The following BTBD9 variants were observed in gnomAD, a reference collection of about 807,000 sequenced individuals.
BTBD9 encodes the protein BTB domain containing 9, also known as BTB/POZ domain-containing protein 9.
A neutral mutation model predicts 64.3 loss-of-function variants in BTBD9; 49 were observed. The observed-to-expected ratio is 0.76, with a 90% CI of 0.61 to 0.97. The LOEUF (loss-of-function observed/expected upper bound fraction) is 0.97. Among genes scored for constraint, BTBD9 ranks in the 50% least tolerant of loss-of-function variants. BTBD9 has a pLI of 0.00. For missense variants in BTBD9, 598 were observed against 762.1 expected (o/e 0.78, Z 2.53); for synonymous variants, 260 against 274.7 (o/e 0.95, Z 0.53).
chr6:38,542,403 C>T (rs1730360968), intron 6 of BTBD9, among the ~76,000 whole-genome samples: 1 of 152,244 alleles, frequency 6.6e-6, no homozygotes, highest in South Asian at 2.1e-4. Flanking sequence ...CTCTCATTCT[C>T]TCCTCTATCC....
chr6:38,235,388 A>G (rs897183095), intron 9 of BTBD9, among the ~76,000 whole-genome samples: 2 of 152,196 alleles, frequency 1.3e-5, no homozygotes, highest in African/African-American at 2.4e-5. Context: ...CCCAGACTCA[A>G]TCTTTTAGAA....
Position 38,597,908 on chromosome 6 carries a change from A to G in BTBD9, c.185+2T>C. ...TTTTCAAAAAAAGTATTACACACTT[A>G]CCGAAAATATTGGCACCTGGCTGCT... On this transcript the variant is annotated splice_donor_variant, in intron 2 of 10. Coordinates refer to ENST00000481247, the MANE Select transcript of BTBD9 (RefSeq NM_001099272.2). LOFTEE classifies it high-confidence loss of function. 6.2e-7 allele frequency: 1 copy of G among 1,613,460 alleles called. No individual in the cohort carries two copies. Among genetic ancestry groups the G allele is most frequent in the Non-Finnish European group, 8.5e-7 (1 of 1,179,672 alleles).
chr6:38,326,346 G>T (rs1763426939), intron 7 of BTBD9, among the ~76,000 whole-genome samples: 1 of 152,194 alleles, frequency 6.6e-6, no homozygotes, highest in South Asian at 2.1e-4. Flanking sequence ...ATCATACCAT[G>T]CAGGGCCTTG....
chr6:38,326,757 CAAAA>C (rs398001240), intron 7 of BTBD9, among the ~76,000 whole-genome samples: 1 of 123,536 alleles, frequency 8.1e-6, no homozygotes, highest in East Asian at 2.2e-4. Flanking sequence ...AGAATCACTG[CAAAA>C]AAAAAAAAAA....
chr6:38,215,427 G>A (rs1762981339), intron 9 of BTBD9, among the ~76,000 whole-genome samples: 1 of 152,148 alleles, frequency 6.6e-6, no homozygotes, highest in Non-Finnish European at 1.5e-5. Flanking sequence ...CGAGTGAACA[G>A]CACCAGGGGA....
intron 8 of BTBD9, among the ~76,000 whole-genome samples, chr6:38,257,628 G>C (rs1217333229): frequency 2.0e-5 from 3 of 152,022 alleles, no homozygotes; most frequent in East Asian, 3.8e-4. Context: ...TGGAGATATA[G>C]GCAAATATAC....
intron 1 of BTBD9, among the ~76,000 whole-genome samples, chr6:38,632,602 G>T (rs933289757): frequency 8.6e-4 from 131 of 152,210 alleles, no homozygotes; most frequent in African/African-American, 3.1e-3. Flanking sequence ...ACTTGAAAAA[G>T]TACAGTTCCT....
At chr6:38,226,355 C>G (rs1763392506) in intron 9 of BTBD9, among the ~76,000 whole-genome samples, 1 of 152,214 alleles carries the variant, frequency 6.6e-6, no homozygotes, top group Admixed American at 6.5e-5. Flanking sequence ...GACTCAGCAG[C>G]TCTTACAGTA....
chr6:38,628,543 A>T (rs774215672), intron 1 of BTBD9, among the ~76,000 whole-genome samples: 23 of 152,196 alleles, frequency 1.5e-4, no homozygotes, highest in Non-Finnish European at 2.6e-4. Context: ...ACAAACACGA[A>T]AAGGGGAATG....
chr6:38,502,250 G>C (rs1377402987), intron 6 of BTBD9, among the ~76,000 whole-genome samples: 1 of 152,174 alleles, frequency 6.6e-6, no homozygotes, highest in Non-Finnish European at 1.5e-5. Context: ...AAGTCTTTCA[G>C]AGCTTTGGCT....
rs1224723125 is a variant in BTBD9 at position 38,255,802 on chromosome 6, A to G, written c.1562+607T>C. 2.6e-5 allele frequency among the ~76,000 whole-genome samples: 4 copies of G among 152,200 alleles called. No homozygotes were observed. The East Asian group carries it at 7.7e-4, about 29-fold the overall frequency. ...CTACTGAAGTATGTATTGCTTCAGC[A>G]AAGTTCTCTAAGGAAGAAAACAATC... On this transcript the variant is annotated intron_variant, in intron 9 of 10. Transcript: ENST00000481247.
At chr6:38,335,486 C>T (rs1186959846) in intron 7 of BTBD9, among the ~76,000 whole-genome samples, 1 of 152,040 alleles carries the variant, frequency 6.6e-6, no homozygotes, top group Non-Finnish European at 1.5e-5. Flanking sequence ...CTCCTGACCT[C>T]AAGCAATCCG....
At chr6:38,266,551 C>T (rs976174698) in intron 8 of BTBD9, among the ~76,000 whole-genome samples, 7 of 144,948 alleles carry the variant, frequency 4.8e-5, no homozygotes, top group African/African-American at 7.7e-5. Context: ...CCAGCCTGGG[C>T]GACAAGAGCA....
intron 9 of BTBD9, among the ~76,000 whole-genome samples, chr6:38,249,715 T>C (rs1345463790): frequency 1.3e-5 from 2 of 151,608 alleles, no homozygotes; most frequent in Non-Finnish European, 2.9e-5. Flanking sequence ...GGAGCTATTC[T>C]TTTTGGCCTG....
At chr6:38,419,359 T>A (rs977225813) in intron 6 of BTBD9, among the ~76,000 whole-genome samples, 1 of 152,188 alleles carries the variant, frequency 6.6e-6, no homozygotes, top group Non-Finnish European at 1.5e-5. Flanking sequence ...TTACATACTT[T>A]AAACAAGTGA....
intron 7 of BTBD9, among the ~76,000 whole-genome samples, chr6:38,294,969 A>AT (rs901122098): frequency 4.7e-5 from 7 of 150,046 alleles, no homozygotes; most frequent in African/African-American, 9.8e-5. Flanking sequence ...GAAGTTGAAC[A>AT]TTTTTTTTTC....
chr6:38,417,159 C>T (rs1303295843), intron 6 of BTBD9, among the ~76,000 whole-genome samples: 3 of 152,188 alleles, frequency 2.0e-5, no homozygotes, highest in Non-Finnish European at 2.9e-5. Flanking sequence ...CTATGTTACA[C>T]AGGCTGGTCT....
intron 9 of BTBD9, among the ~76,000 whole-genome samples, chr6:38,247,502 G>C (rs991829080): frequency 5.9e-5 from 9 of 152,204 alleles, no homozygotes; most frequent in African/African-American, 1.9e-4. Context: ...GACAGTCAAG[G>C]TGCTTCTCAG....
chr6:38,181,785 C>T (rs933775611), intron 10 of BTBD9, among the ~76,000 whole-genome samples: 1 of 152,054 alleles, frequency 6.6e-6, no homozygotes, highest in Admixed American at 6.5e-5. Context: ...GTCAAGAGTT[C>T]GAGACCAGCC....
Sources: allele counts gnomAD v4.1 joint callset (sites outside exome capture counted in the v4.1 genomes callset), GRCh38; gene constraint gnomAD v4.1.1; transcripts MANE v1.5; gene names NCBI Gene and HGNC (gene_info 2026-07-23, HGNC 2026-07-21).